The following ERC1 variants were observed in gnomAD, a reference collection of about 807,000 sequenced individuals.
The protein encoded by ERC1 is RAB6 interacting protein 2.
A neutral mutation model predicts 132.0 loss-of-function variants in ERC1; 56 were observed. The ratio of observed to expected loss-of-function variants is 0.42; its 90% CI spans 0.34 to 0.53. ERC1 has a LOEUF of 0.53. Among genes scored for constraint, ERC1 ranks in the 20% least tolerant of loss-of-function variants. The pLI is 0.03. For missense variants in ERC1, 1,202 were observed against 1,349.9 expected, an observed-to-expected ratio of 0.89 and a Z score of 1.72; for synonymous variants, 478 against 476.1, an observed-to-expected ratio of 1.00 and a Z score of -0.05.
intron 12 of ERC1, among the ~76,000 whole-genome samples, chr12:1,217,131 C>T (rs1342535120): frequency 6.6e-6 from 1 of 152,066 alleles, no homozygotes; most frequent in African/African-American, 2.4e-5. Flanking sequence ...AAAAGTATTC[C>T]CTCTCCTCCT....
chr12:1,171,238 T>A (rs1204641259), intron 8 of ERC1, among the ~76,000 whole-genome samples: 1 of 152,174 alleles, frequency 6.6e-6, no homozygotes, highest in East Asian at 1.9e-4. Context: ...AAAACCCAAA[T>A]TGAATTTAAA....
intron 12 of ERC1, among the ~76,000 whole-genome samples, chr12:1,231,299 G>A (rs2075019052): frequency 6.6e-6 from 1 of 152,000 alleles, no homozygotes; most frequent in African/African-American, 2.4e-5. Context: ...CAAAAATTCT[G>A]CAATTTTATG....
At chr12:1,368,451 C>CT (rs1449584540) in intron 15 of ERC1, among the ~76,000 whole-genome samples, 2 of 151,644 alleles carry the variant, frequency 1.3e-5, no homozygotes, top group African/African-American at 2.4e-5. Context: ...TTTCAATTTG[C>CT]TTTTTTTTCC....
intron 12 of ERC1, among the ~76,000 whole-genome samples, chr12:1,218,218 C>T (rs952267873): frequency 5.3e-5 from 8 of 152,150 alleles, no homozygotes; most frequent in African/African-American, 1.9e-4. Flanking sequence ...ATACCTGGAG[C>T]CTTTGCCTGA....
At position 1,495,771 on chromosome 12, in the gene ERC1, G is replaced by A. The variant is rs956352127; in HGVS notation, c.*5541G>A. ...ACCCGCTGCCTTCAGCTGTATGTGT[G>A]TGTTCCTGCTGGAGTTGTGTTACTG... is the stretch of plus-strand genomic sequence containing the variant. On this transcript the variant is annotated 3_prime_UTR_variant, in exon 19 of 19. Coordinates refer to ENST00000360905, the MANE Select transcript of ERC1 (RefSeq NM_178040.4). The A allele has an allele frequency of 2.7e-5, 6 of 221,874 alleles. No individual in the cohort carries two copies. Among genetic ancestry groups the A allele is most frequent in the African/African-American group, 9.0e-5 (4 of 44,656 alleles). The allele number at this position is 221,874 out of a possible 1,614,324, so 13.7% of individuals were successfully genotyped here. A position where few individuals can be genotyped will look rare whatever the true frequency, so the allele number is the denominator to read the frequency against.
At chr12:1,293,061 T>G (rs2079570498) in intron 15 of ERC1, among the ~76,000 whole-genome samples, 1 of 149,846 alleles carries the variant, frequency 6.7e-6, no homozygotes, top group Non-Finnish European at 1.5e-5. Context: ...GGAGAATCAC[T>G]TGAACCTGGA....
At chr12:1,210,822 C>T (rs561640001) in intron 12 of ERC1, among the ~76,000 whole-genome samples, 184 of 152,048 alleles carry the variant, frequency 1.2e-3, no homozygotes, top group Non-Finnish European at 2.5e-3. Flanking sequence ...GGTGAAACCC[C>T]GTCTCTACTA....
chr12:1,082,499 T>A (rs1170222919), intron 2 of ERC1, among the ~76,000 whole-genome samples: 1 of 134,878 alleles, frequency 7.4e-6, no homozygotes, highest in Admixed American at 7.5e-5. Context: ...TTTTTTTTTT[T>A]TTTTTTTAAG....
intron 8 of ERC1, among the ~76,000 whole-genome samples, chr12:1,163,427 G>A (rs1477901450): frequency 6.6e-6 from 1 of 152,118 alleles, no homozygotes; most frequent in Admixed American, 6.6e-5. Flanking sequence ...TCAGATATAA[G>A]TGATTAAAAC....
chr12:1,346,269 G>A (rs1302058837), intron 15 of ERC1, among the ~76,000 whole-genome samples: 1 of 152,166 alleles, frequency 6.6e-6, no homozygotes, highest in African/African-American at 2.4e-5. Context: ...GAGATTGCTA[G>A]AAAACAGCAT....
At chr12:1,445,513 G>T (rs933159244) in intron 18 of ERC1, among the ~76,000 whole-genome samples, 1 of 152,128 alleles carries the variant, frequency 6.6e-6, no homozygotes, top group Non-Finnish European at 1.5e-5. Context: ...TTACAGGCGT[G>T]ATTCACCGCG....
At chr12:1,480,381 G>A (rs1371767257) in intron 18 of ERC1, among the ~76,000 whole-genome samples, 1 of 152,146 alleles carries the variant, frequency 6.6e-6, no homozygotes, top group Admixed American at 6.5e-5. Flanking sequence ...AGCTGATTGG[G>A]TAAACTTCAG....
chr12:1,072,512 T>G (rs1337613556), intron 2 of ERC1, among the ~76,000 whole-genome samples: 1 of 152,142 alleles, frequency 6.6e-6, no homozygotes, highest in Non-Finnish European at 1.5e-5. Context: ...TACAAACACA[T>G]GTGCAAAAGA....
rs772419231 is a variant in ERC1 at position 1,181,940 on chromosome 12, C to T, written c.1891C>T (p.Arg631Cys). ...ALAEKERTIERLKEQRDRDER... is the reference protein window; with the variant it reads ...ALAEKERTIECLKEQRDRDER... Reference sequence around the variant, plus strand: ...CTCTCATCAGGAGCGGACAATTGAACGCTTAAAGGAGCAGAGGGACAGAGA... The same window carrying T: ...CTCTCATCAGGAGCGGACAATTGAATGCTTAAAGGAGCAGAGGGACAGAGA... The change falls in exon 10 of 19, where the codon CGC (arginine) becomes TGC (cysteine). Residue 631 changes from arginine to cysteine, a missense_variant. Physicochemically the swap from Arg to Cys is radical, Grantham distance 180 (BLOSUM62 -3). Coordinates refer to ENST00000360905, the MANE Select transcript of ERC1 (RefSeq NM_178040.4). The T allele has an allele frequency of 2.5e-5, 40 of 1,612,600 alleles. No individual in the cohort carries two copies. The highest frequency in any genetic ancestry group is 6.6e-5 in the South Asian group (6 of 90,864).
chr12:1,365,491 T>C (rs961583227), intron 15 of ERC1, among the ~76,000 whole-genome samples: 3 of 152,190 alleles, frequency 2.0e-5, no homozygotes, highest in Non-Finnish European at 4.4e-5. Context: ...TGGGAACTAT[T>C]CTTAGCATTT....
intron 16 of ERC1, among the ~76,000 whole-genome samples, chr12:1,394,416 A>T (rs529691564): frequency 1.3e-5 from 2 of 152,256 alleles, no homozygotes; most frequent in Admixed American, 6.5e-5. Context: ...AAAAAGAAAA[A>T]AGAAATTTAG....
At position 1,028,631 on chromosome 12, in the gene ERC1, C is replaced by CT. The variant is rs1470990535; in HGVS notation, c.669+66dup. 5.2e-6 allele frequency: 7 copies of CT among 1,347,496 alleles called. No homozygotes were observed. In the African/African-American group the frequency reaches 7.3e-5, roughly 14 times the overall value. 83.5% of individuals were successfully genotyped at this position (1,347,496 alleles called of 1,614,324 possible). Reference sequence around the variant, plus strand: ...AATTCATGTATATAAATGAAATAGCCTTTTTTTCCCCTTTCCTAGATTTTT... The same window carrying CT: ...AATTCATGTATATAAATGAAATAGCCTTTTTTTTCCCCTTTCCTAGATTTTT... On this transcript the variant is annotated intron_variant, in intron 2 of 18. Coordinates refer to ENST00000360905, the MANE Select transcript of ERC1 (RefSeq NM_178040.4).
In ERC1 at chr12:1,313,439, G is replaced by A. The variant is rs115187971; in HGVS notation, c.2780+23427G>A. Among the ~76,000 whole-genome samples, 55 of 152,154 alleles carry A rather than the reference G, an allele frequency of 3.6e-4. 1 individual carries two copies. The highest frequency in any genetic ancestry group is 1.3e-3 in the African/African-American group (55 of 41,498). ...TGATGGAGTGGATGGATATTAAACA[G>A]AGATTCAACTTTCCTGTTCAGAAAC... is the stretch of plus-strand genomic sequence containing the variant. On this transcript the variant is annotated intron_variant, in intron 15 of 18. Transcript: ENST00000360905.
intron 12 of ERC1, among the ~76,000 whole-genome samples, chr12:1,236,037 A>G (rs1442379768): frequency 1.3e-5 from 2 of 152,210 alleles, no homozygotes; most frequent in East Asian, 1.9e-4. Flanking sequence ...AAAGGGAATA[A>G]TATTGAATAT....
Sources: allele counts gnomAD v4.1 joint callset (sites outside exome capture counted in the v4.1 genomes callset), GRCh38; gene constraint gnomAD v4.1.1; transcripts MANE v1.5; gene names NCBI Gene and HGNC (gene_info 2026-07-23, HGNC 2026-07-21).